Variants in MYOZ2 observed in about 807,000 individuals in gnomAD.
MYOZ2 encodes myozenin 2, also known as myozenin-2.
Under a neutral mutation model 25.4 loss-of-function variants are expected in MYOZ2, and 19 were observed. That is an observed-to-expected ratio of 0.75 (90% confidence interval 0.52 to 1.10). MYOZ2 has a LOEUF of 1.10. MYOZ2 is among the 50% of genes least tolerant of loss of function. MYOZ2 has a pLI of 0.00. For synonymous variants in MYOZ2, 92 were observed against 106.9 expected (o/e 0.86, Z 0.86); for missense variants, 270 against 317.9 (o/e 0.85, Z 1.15).
intron 1 of MYOZ2, 60 bp from the exon 2 acceptor site, chr4:119,136,452 A>G: frequency 7.1e-7 from 1 of 1,404,016 alleles, no homozygotes; most frequent in Non-Finnish European, 1.0e-6. Flanking sequence ...AACAGTGATT[A>G]TAAGACACTC....
intron 5 of MYOZ2, among the ~76,000 whole-genome samples, chr4:119,174,786 C>T (rs946779919): frequency 3.3e-5 from 5 of 152,138 alleles, no homozygotes; most frequent in Non-Finnish European, 5.9e-5. Flanking sequence ...TGTTCTTTCA[C>T]TCTTTGCAAT....
intron 5 of MYOZ2, among the ~76,000 whole-genome samples, chr4:119,172,106 G>T (rs1741959896): frequency 6.6e-6 from 1 of 152,128 alleles, no homozygotes; most frequent in Admixed American, 6.5e-5. Context: ...TTGAATTTTT[G>T]TAGTTCCTCT....
At chr4:119,136,358 C>T (rs1469701206) in intron 1 of MYOZ2, among the ~76,000 whole-genome samples, 154 bp from the exon 2 acceptor site, 1 of 152,184 alleles carries the variant, frequency 6.6e-6, no homozygotes, top group Admixed American at 6.5e-5. Context: ...CATACTCTGT[C>T]ACCAGATAAG....
chr4:119,149,088 C>G (rs998312997), intron 2 of MYOZ2, among the ~76,000 whole-genome samples: 5 of 142,666 alleles, frequency 3.5e-5, no homozygotes, highest in Admixed American at 2.2e-4. Context: ...TGACACTGCT[C>G]CAGCAGGAGT....
intron 2 of MYOZ2, among the ~76,000 whole-genome samples, chr4:119,136,937 T>A (rs1389574079): frequency 1.3e-5 from 2 of 152,120 alleles, no homozygotes; most frequent in African/African-American, 4.8e-5. Flanking sequence ...TACAATCTTG[T>A]CTTTATTGTC....
Position 119,187,618 on chromosome 4 carries a change from T to A in MYOZ2, c.*1418T>A, listed in dbSNP as rs890344495. On this transcript the variant is annotated 3_prime_UTR_variant, in exon 6 of 6. Coordinates refer to ENST00000307128, the MANE Select transcript of MYOZ2 (RefSeq NM_016599.5). ...TATATATTATTGTAGAGAATTTGTATATTTTTAAAGATGTCTTAAGATATC... is the reference window on the plus strand; with the variant it reads ...TATATATTATTGTAGAGAATTTGTAAATTTTTAAAGATGTCTTAAGATATC... 3 of 152,076 alleles carry A rather than the reference T, an allele frequency of 2.0e-5. No individual in the cohort carries two copies. The highest frequency in any genetic ancestry group is 6.5e-5 in the Admixed American group (1 of 15,274). The allele number at this position is 152,076 out of a possible 1,614,324, so 9.4% of individuals were successfully genotyped here. A position where few individuals can be genotyped will look rare whatever the true frequency, so the allele number is the denominator to read the frequency against.
intron 4 of MYOZ2, among the ~76,000 whole-genome samples, chr4:119,162,990 T>TA (rs1741743919): frequency 6.6e-6 from 1 of 152,188 alleles, no homozygotes; most frequent in Non-Finnish European, 1.5e-5. Flanking sequence ...ATTATTTTTT[T>TA]AAAAAGTCAG....
intron 5 of MYOZ2, among the ~76,000 whole-genome samples, chr4:119,184,828 T>C (rs998866963): frequency 1.3e-5 from 2 of 152,200 alleles, no homozygotes; most frequent in East Asian, 3.9e-4. Context: ...GCAACAGACA[T>C]ACTGCTTGAC....
chr4:119,159,069 C>G (rs1309215453), intron 4 of MYOZ2, among the ~76,000 whole-genome samples: 1 of 151,906 alleles, frequency 6.6e-6, no homozygotes. Flanking sequence ...CTAATGAACC[C>G]CATAAATATA....
intron 4 of MYOZ2, among the ~76,000 whole-genome samples, chr4:119,163,502 AT>A (rs1405094578): frequency 6.6e-6 from 1 of 152,232 alleles, no homozygotes; most frequent in Non-Finnish European, 1.5e-5. Context: ...TATGCCAAGA[AT>A]TTCCGTGACT....
chr4:119,183,950 G>T (rs992764301), intron 5 of MYOZ2, among the ~76,000 whole-genome samples: 9 of 151,976 alleles, frequency 5.9e-5, no homozygotes, highest in Non-Finnish European at 1.2e-4. Context: ...GAGTAGCTGG[G>T]ATTACAGGCA....
intron 5 of MYOZ2, among the ~76,000 whole-genome samples, chr4:119,175,568 A>C (rs184397544): frequency 6.6e-6 from 1 of 152,058 alleles, no homozygotes; most frequent in African/African-American, 2.4e-5. Flanking sequence ...CCTGGCCAAC[A>C]TGGTGAAACT....
chr4:119,137,776 T>C (rs1369660251), intron 2 of MYOZ2, among the ~76,000 whole-genome samples: 2 of 152,186 alleles, frequency 1.3e-5, no homozygotes, highest in Non-Finnish European at 2.9e-5. Context: ...TTCATACCAA[T>C]CCAAAGTTCC....
At chr4:119,155,303 C>T (rs1741549332) in intron 3 of MYOZ2, among the ~76,000 whole-genome samples, 1 of 152,096 alleles carries the variant, frequency 6.6e-6, no homozygotes, top group African/African-American at 2.4e-5. Flanking sequence ...ACATCAGTGG[C>T]CAACTAGACT....
Position 119,158,051 on chromosome 4 carries a change from G to A in MYOZ2, c.276G>A (p.Val92=), listed in dbSNP as rs1561116437. The A allele has an allele frequency of 2.5e-6, 4 of 1,613,986 alleles. No homozygotes were observed. The highest frequency in any genetic ancestry group is 3.4e-6 in the Non-Finnish European group (4 of 1,179,956). Reference sequence around the variant, plus strand: ...GTATTGCTATGCAGAATGGGAAAGTGGATGGAAGTAACTTGGAAGGTGGTT... The same window carrying A: ...GTATTGCTATGCAGAATGGGAAAGTAGATGGAAGTAACTTGGAAGGTGGTT... ...NHSIAMQNGK[V]DGSNLEGGSQ... Residue 92 remains valine, a synonymous_variant, in exon 4 of 6, where the codon GTG becomes GTA. Coordinates refer to ENST00000307128, the MANE Select transcript of MYOZ2 (RefSeq NM_016599.5).
chr4:119,147,207 A>G (rs1741319938), intron 2 of MYOZ2, among the ~76,000 whole-genome samples: 1 of 152,004 alleles, frequency 6.6e-6, no homozygotes. Flanking sequence ...TAATTTATTA[A>G]TGTCTTAGAG....
Position 119,186,246 on chromosome 4 carries a change from C to T in MYOZ2, c.*46C>T, listed in dbSNP as rs1190265962. On this transcript the variant is annotated 3_prime_UTR_variant, in exon 6 of 6. Transcript: ENST00000307128. ...CATAAAACTCTGAATATAAAAGTTG[C>T]TGTTCTACTATTTTAACTACTGGCA... 6.6e-7 allele frequency: 1 copy of T among 1,513,480 alleles called. No individual in the cohort carries two copies. The highest frequency in any genetic ancestry group is 9.1e-7 in the Non-Finnish European group (1 of 1,093,346). The allele number at this position is 1,513,480 out of a possible 1,614,324, so 93.8% of individuals were successfully genotyped here.
chr4:119,151,819 T>C (rs987088138), intron 3 of MYOZ2, among the ~76,000 whole-genome samples: 1 of 152,112 alleles, frequency 6.6e-6, no homozygotes, highest in African/African-American at 2.4e-5. Context: ...TATGTTTTAT[T>C]TACTGAGAGT....
At chr4:119,175,862 C>T (rs145134801) in intron 5 of MYOZ2, among the ~76,000 whole-genome samples, 1 of 151,964 alleles carries the variant, frequency 6.6e-6, no homozygotes, top group Admixed American at 6.6e-5. Context: ...TCTGCTGTTT[C>T]TTTCTTCAAA....
Sources: allele counts gnomAD v4.1 joint callset (sites outside exome capture counted in the v4.1 genomes callset), GRCh38; gene constraint gnomAD v4.1.1; transcripts MANE v1.5; gene names NCBI Gene and HGNC (gene_info 2026-07-23, HGNC 2026-07-21).